DCK: variants seen among roughly 807,000 people sequenced by gnomAD.
The protein encoded by DCK is deoxyadenosine kinase.
In DCK, 23 loss-of-function variants were observed where a neutral mutation model predicts 38.3. That is an observed-to-expected ratio of 0.60 (90% CI 0.43 to 0.85). The LOEUF (loss-of-function observed/expected upper bound fraction) is 0.85, where lower values mean the gene tolerates loss of function less well. Ranked by LOEUF, DCK falls within the 40% of genes least tolerant of loss-of-function variation. DCK has a pLI of 0.00. For synonymous variants in DCK, 108 were observed against 100.6 expected, an observed-to-expected ratio of 1.07 and a Z score of -0.44; for missense variants, 259 against 304.4, an observed-to-expected ratio of 0.85 and a Z score of 1.11.
intron 2 of DCK, chr4:71,006,265 C>G (rs1256793666): frequency 2.6e-6 from 2 of 781,202 alleles, no homozygotes; most frequent in African/African-American, 3.8e-5. Context: ...TCACTCTGGG[C>G]AGAAGTTGTA....
chr4:71,021,901 C>G (rs1740432710), intron 2 of DCK, among the ~76,000 whole-genome samples: 1 of 152,116 alleles, frequency 6.6e-6, no homozygotes, highest in Admixed American at 6.5e-5. Flanking sequence ...ACTTGGGAGG[C>G]TGAGGCGGGA....
chr4:71,029,328 A>AC, intron 6 of DCK, 24 bp from the exon 7 acceptor site: 1 of 1,530,718 alleles, frequency 6.5e-7, no homozygotes, highest in Non-Finnish European at 8.9e-7. Context: ...AATTATACTG[A>AC]TTTTTTTTTC....
chr4:71,016,562 C>A (rs868638939), intron 2 of DCK, among the ~76,000 whole-genome samples: 1 of 152,318 alleles, frequency 6.6e-6, no homozygotes, highest in Non-Finnish European at 1.5e-5. Flanking sequence ...ACCAAAACAG[C>A]ATGGTACTGG....
In DCK at chr4:70,999,544, G is replaced by A. The variant is rs576956238; in HGVS notation, c.207+1362G>A. Among the ~76,000 whole-genome samples, 3 of 152,266 alleles carry A rather than the reference G, an allele frequency of 2.0e-5. No individual in the cohort carries two copies. The South Asian group carries it at 6.2e-4, about 32-fold the overall frequency. ...TCCTTTGGGTATATACCCAGTAATG[G>A]GATGGCTGGGTCAAATGGTATTTCT... is the stretch of plus-strand genomic sequence containing the variant. On this transcript the variant is annotated intron_variant, in intron 2 of 6. Transcript: ENST00000286648.
intron 2 of DCK, 54 bp downstream of exon 2, chr4:70,998,236 G>C: frequency 1.3e-6 from 1 of 792,664 alleles, no homozygotes. Flanking sequence ...AGGAGCAGTA[G>C]TACTTAATCT....
Position 71,022,571 on chromosome 4 carries a change from A to G in DCK, c.401+11A>G. On this transcript the variant is annotated intron_variant, in intron 3 of 6. Coordinates refer to ENST00000286648, the MANE Select transcript of DCK (RefSeq NM_000788.3). ...TGTGTATAGTGACAGGTATGTATAA[A>G]TGGCTTGTACGTGGCCATTTGAAGT... 2.1e-6 allele frequency: 3 copies of G among 1,435,000 alleles called. No individual in the cohort carries two copies. Among genetic ancestry groups the G allele is most frequent in the Middle Eastern group, 1.9e-4 (1 of 5,384 alleles). 88.9% of individuals were successfully genotyped at this position (1,435,000 alleles called of 1,614,324 possible).
At chr4:71,013,375 C>G (rs907296478) in intron 2 of DCK, among the ~76,000 whole-genome samples, 3 of 152,174 alleles carry the variant, frequency 2.0e-5, no homozygotes, top group African/African-American at 7.2e-5. Flanking sequence ...TCTAGCAAGG[C>G]AGGCCAACAT....
chr4:71,022,707 G>A (rs1379768424), intron 3 of DCK, 147 bp downstream of exon 3: 3 of 461,938 alleles, frequency 6.5e-6, no homozygotes, highest in Non-Finnish European at 7.3e-6. Flanking sequence ...AAATCCCTCA[G>A]CAGTCTGGTA....
intron 6 of DCK, 24 bp from the exon 7 acceptor site, chr4:71,029,328 A>G (rs1158590673): frequency 1.3e-6 from 2 of 1,530,608 alleles, no homozygotes; most frequent in Admixed American, 1.9e-5. Flanking sequence ...AATTATACTG[A>G]TTTTTTTTTC....
intron 1 of DCK, among the ~76,000 whole-genome samples, chr4:70,994,369 TCC>T (rs1445058403): frequency 1.3e-5 from 2 of 152,210 alleles, no homozygotes; most frequent in Non-Finnish European, 2.9e-5. Context: ...TCCTACCTGC[TCC>T]TTTGTATTCA....
intron 2 of DCK, among the ~76,000 whole-genome samples, chr4:71,013,933 C>T (rs1740176392): frequency 6.6e-6 from 1 of 152,164 alleles, no homozygotes; most frequent in Non-Finnish European, 1.5e-5. Flanking sequence ...TGTAAATGGG[C>T]TAAATACTCC....
At chr4:71,016,263 A>G (rs980722820) in intron 2 of DCK, among the ~76,000 whole-genome samples, 1 of 152,214 alleles carries the variant, frequency 6.6e-6, no homozygotes, top group Non-Finnish European at 1.5e-5. Context: ...ACTACAAACC[A>G]CTGCTCAATG....
intron 2 of DCK, among the ~76,000 whole-genome samples, chr4:71,012,832 G>A (rs1365473217): frequency 6.6e-6 from 1 of 152,208 alleles, no homozygotes; most frequent in South Asian, 2.1e-4. Flanking sequence ...GAGCAGAAAA[G>A]CTGAAAATTC....
intron 2 of DCK, among the ~76,000 whole-genome samples, chr4:71,013,946 T>C (rs959003579): frequency 6.6e-6 from 1 of 152,198 alleles, no homozygotes; most frequent in African/African-American, 2.4e-5. Context: ...AATACTCCAA[T>C]TGAAAGACAC....
In DCK at chr4:71,024,427, A is replaced by G. The variant is rs574070261; in HGVS notation, c.549+721A>G. Among the ~76,000 whole-genome samples, 3 of 152,260 alleles carry G rather than the reference A, an allele frequency of 2.0e-5. No homozygotes were observed. In the East Asian group the frequency reaches 5.8e-4, roughly 29 times the overall value. On this transcript the variant is annotated intron_variant, in intron 4 of 6. Coordinates refer to ENST00000286648, the MANE Select transcript of DCK (RefSeq NM_000788.3). ...AAATATTAAGATCTTACATTTAATC[A>G]GAAGCTTTCTGGTTTTGGTGCGTGC... is the stretch of plus-strand genomic sequence containing the variant.
intron 1 of DCK, among the ~76,000 whole-genome samples, chr4:70,996,344 C>G: frequency 6.6e-6 from 1 of 152,156 alleles, no homozygotes; most frequent in East Asian, 1.9e-4. Context: ...GCCTGGGCTA[C>G]AGAGTGAGAC....
intron 4 of DCK, among the ~76,000 whole-genome samples, chr4:71,025,469 A>C (rs1434354140): frequency 1.3e-5 from 2 of 152,116 alleles, no homozygotes; most frequent in African/African-American, 4.8e-5. Context: ...GGTTAACAGC[A>C]AAGTAAGATT....
chr4:70,993,828 A>G lies in DCK; in HGVS notation c.-8A>G, dbSNP rs201444059. ...CGGACGAGCTCTGGGCCGCCACAAG[A>G]CTAAGGAATGGCCACCCCGCCCAAG... On this transcript the variant is annotated 5_prime_UTR_variant, in exon 1 of 7. Transcript: ENST00000286648. 316 of 1,609,406 alleles carry G rather than the reference A, an allele frequency of 2.0e-4. No homozygotes were observed. Among genetic ancestry groups the G allele is most frequent in the Admixed American group, 5.2e-4 (31 of 59,910 alleles).
intron 2 of DCK, among the ~76,000 whole-genome samples, chr4:71,003,021 C>T (rs1051455162): frequency 2.6e-5 from 4 of 152,204 alleles, no homozygotes; most frequent in African/African-American, 9.6e-5. Context: ...GGTTATTTTG[C>T]CTGTTAGTTG....
Sources: allele counts gnomAD v4.1 joint callset (sites outside exome capture counted in the v4.1 genomes callset), GRCh38; gene constraint gnomAD v4.1.1; transcripts MANE v1.5; gene names NCBI Gene and HGNC (gene_info 2026-07-23, HGNC 2026-07-21).